Variants in PHYHIPL observed in about 807,000 individuals in gnomAD.
PHYHIPL encodes phytanoyl-CoA hydroxylase-interacting protein-like.
In PHYHIPL, 9 loss-of-function variants were observed where a neutral mutation model predicts 33.4. The ratio of observed to expected loss-of-function variants is 0.27; its 90% CI spans 0.16 to 0.47. The LOEUF is 0.47. Ranked by LOEUF, PHYHIPL falls within the 20% of genes least tolerant of loss-of-function variation. The pLI is 0.99. For missense variants in PHYHIPL, 365 were observed against 460.7 expected, an observed-to-expected ratio of 0.79 and a Z score of 1.90; for synonymous variants, 153 against 154.1, an observed-to-expected ratio of 0.99 and a Z score of 0.05.
At chr10:59,238,190 A>G (rs1432892165) in intron 3 of PHYHIPL, among the ~76,000 whole-genome samples, 1 of 151,900 alleles carries the variant, frequency 6.6e-6, no homozygotes, top group African/African-American at 2.4e-5. Flanking sequence ...ACTCATTATT[A>G]TTTTTGCTGT....
intron 1 of PHYHIPL, among the ~76,000 whole-genome samples, chr10:59,214,925 A>G (rs528345220): frequency 5.1e-4 from 78 of 152,150 alleles, no homozygotes; most frequent in African/African-American, 1.8e-3. Context: ...TATACATAGA[A>G]CATTCTAGAT....
At chr10:59,221,231 TG>T (rs1839763006) in intron 1 of PHYHIPL, among the ~76,000 whole-genome samples, 2 of 152,034 alleles carry the variant, frequency 1.3e-5, no homozygotes, top group South Asian at 4.1e-4. Context: ...CTTTTCAACT[TG>T]ATTTGCTGGA....
In PHYHIPL at chr10:59,225,817, G is replaced by T. The variant is rs548690262; in HGVS notation, c.107-8487G>T. ...ATAGCATCCTCTTGTAGGAAAAGAG[G>T]AGATTTAAGTAGGATCCATCAATCC... On this transcript the variant is annotated intron_variant, in intron 1 of 4. Coordinates refer to ENST00000373880, the MANE Select transcript of PHYHIPL (RefSeq NM_032439.4). 2.6e-5 allele frequency among the ~76,000 whole-genome samples: 4 copies of T among 152,172 alleles called. No individual in the cohort carries two copies. The South Asian group carries it at 8.3e-4, about 32-fold the overall frequency.
intron 1 of PHYHIPL, among the ~76,000 whole-genome samples, chr10:59,228,279 T>C (rs1839984239): frequency 6.6e-6 from 1 of 152,148 alleles, no homozygotes; most frequent in African/African-American, 2.4e-5. Context: ...TGATAAATTA[T>C]TAAATAAAAA....
chr10:59,212,973 A>T (rs1002049852), intron 1 of PHYHIPL, among the ~76,000 whole-genome samples: 5 of 152,150 alleles, frequency 3.3e-5, no homozygotes, highest in Non-Finnish European at 5.9e-5. Flanking sequence ...TTTATTTGCC[A>T]ATTCATTTTC....
At chr10:59,226,065 T>C (rs1167857933) in intron 1 of PHYHIPL, among the ~76,000 whole-genome samples, 1 of 151,858 alleles carries the variant, frequency 6.6e-6, no homozygotes, top group Non-Finnish European at 1.5e-5. Context: ...CTCAATAAAA[T>C]TCAAGATTGG....
chr10:59,229,832 A>G (rs1252086122), intron 1 of PHYHIPL, among the ~76,000 whole-genome samples: 1 of 152,032 alleles, frequency 6.6e-6, no homozygotes, highest in Non-Finnish European at 1.5e-5. Context: ...ACTGGCCAAG[A>G]CTCAGCCATT....
At chr10:59,219,592 C>T (rs887012555) in intron 1 of PHYHIPL, among the ~76,000 whole-genome samples, 9 of 151,844 alleles carry the variant, frequency 5.9e-5, no homozygotes, top group Admixed American at 2.0e-4. Context: ...TCACTTTTTG[C>T]AGAAAGAAGT....
At chr10:59,225,007 C>A (rs537726338) in intron 1 of PHYHIPL, among the ~76,000 whole-genome samples, 1 of 151,040 alleles carries the variant, frequency 6.6e-6, no homozygotes, top group African/African-American at 2.4e-5. Context: ...GTTAAAAAAC[C>A]AAAAAGGATG....
chr10:59,193,490 G>A (rs1838833744), intron 1 of PHYHIPL, among the ~76,000 whole-genome samples: 1 of 152,104 alleles, frequency 6.6e-6, no homozygotes, highest in South Asian at 2.1e-4. Context: ...AAAATCTTCA[G>A]CAAATCTGTG....
rs544919086 is a variant in PHYHIPL at position 59,238,765 on chromosome 10, C to T, written c.596+60C>T. On this transcript the variant is annotated intron_variant, in intron 4 of 4. Transcript: ENST00000373880. ...TAAATATAGTTTCAAATTCTAGGCT[C>T]AGGTTTCCCTTGACTCTAGTTTTGT... is the stretch of plus-strand genomic sequence containing the variant. The T allele has an allele frequency of 3.1e-5, 35 of 1,121,848 alleles. No individual in the cohort carries two copies. In the South Asian group the frequency reaches 4.9e-4, roughly 16 times the overall value. The allele number at this position is 1,121,848 out of a possible 1,614,324, so 69.5% of individuals were successfully genotyped here. A position where few individuals can be genotyped will look rare whatever the true frequency, so the allele number is the denominator to read the frequency against.
intron 4 of PHYHIPL, 34 bp from the exon 5 acceptor site, chr10:59,245,023 G>T (rs756621937): frequency 6.4e-7 from 1 of 1,568,368 alleles, no homozygotes; most frequent in African/African-American, 1.4e-5. Context: ...TACCACTATT[G>T]TATTAAGCAG....
intron 1 of PHYHIPL, chr10:59,177,617 G>A (rs1838288679): frequency 1.3e-6 from 2 of 1,551,584 alleles, no homozygotes; most frequent in South Asian, 2.4e-5. Context: ...ACTTTGTGGC[G>A]AGTACGTACC....
chr10:59,223,401 G>T (rs1230282186), intron 1 of PHYHIPL, among the ~76,000 whole-genome samples: 1 of 152,022 alleles, frequency 6.6e-6, no homozygotes, highest in African/African-American at 2.4e-5. Flanking sequence ...CCTTTCTTGT[G>T]CAGGGTAGCA....
chr10:59,240,392 A>C (rs1180687271), intron 4 of PHYHIPL, among the ~76,000 whole-genome samples: 1 of 152,044 alleles, frequency 6.6e-6, no homozygotes, highest in East Asian at 1.9e-4. Context: ...TTCATTTAAT[A>C]CACCTAACTT....
chr10:59,236,653 C>A lies in PHYHIPL; in HGVS notation c.474C>A (p.Thr158=), dbSNP rs775310603. 6.3e-7 allele frequency: 1 copy of A among 1,595,354 alleles called. No homozygotes were observed. The highest frequency in any genetic ancestry group is 8.5e-7 in the Non-Finnish European group (1 of 1,171,096). ...GGAGTGAAATTATAGAATTCTGCACCGCAGGTAAGAGAACTAGGTACAAAT... is the reference window on the plus strand; with the variant it reads ...GGAGTGAAATTATAGAATTCTGCACAGCAGGTAAGAGAACTAGGTACAAAT... ...SEWSEIIEFC[T]ADYSKVHLTQ... The change falls in exon 3 of 5, where the codon ACC becomes ACA. Residue 158 remains threonine, a synonymous_variant. Coordinates refer to ENST00000373880, the MANE Select transcript of PHYHIPL (RefSeq NM_032439.4).
chr10:59,231,408 G>A (rs943507932), intron 1 of PHYHIPL, among the ~76,000 whole-genome samples: 1 of 152,096 alleles, frequency 6.6e-6, no homozygotes, highest in Non-Finnish European at 1.5e-5. Flanking sequence ...GAGAAGCTAT[G>A]CAAAGCAAAT....
chr10:59,201,489 A>G (rs531747385), intron 1 of PHYHIPL, among the ~76,000 whole-genome samples: 187 of 152,274 alleles, frequency 1.2e-3, no homozygotes, highest in African/African-American at 4.1e-3. Flanking sequence ...TATGTGGTCA[A>G]TTTTGGAATA....
At chr10:59,229,600 C>T (rs778572030) in intron 1 of PHYHIPL, among the ~76,000 whole-genome samples, 8 of 152,190 alleles carry the variant, frequency 5.3e-5, no homozygotes, top group South Asian at 4.2e-4. Flanking sequence ...ATTCGTGAAT[C>T]GGGCAGCCTC....
Sources: allele counts gnomAD v4.1 joint callset (sites outside exome capture counted in the v4.1 genomes callset), GRCh38; gene constraint gnomAD v4.1.1; transcripts MANE v1.5; gene names NCBI Gene and HGNC (gene_info 2026-07-23, HGNC 2026-07-21).